NUP210: variants seen among roughly 807,000 people sequenced by gnomAD.
The protein encoded by NUP210 is nucleoporin 210, also known as nuclear pore membrane glycoprotein 210.
In NUP210, 151 loss-of-function variants were observed where a neutral mutation model predicts 196.0. The observed-to-expected ratio is 0.77, with a 90% confidence interval of 0.67 to 0.88. The LOEUF (loss-of-function observed/expected upper bound fraction) is 0.88. NUP210 is among the 40% of genes least tolerant of loss of function. NUP210 has a pLI of 0.00. For missense variants in NUP210, 2,314 were observed against 2,493.7 expected (o/e 0.93, Z 1.53); for synonymous variants, 1,070 against 1,052.7 (o/e 1.02, Z -0.32).
rs550722911 is a variant in NUP210 at position 13,379,204 on chromosome 3, T to C, written c.977-224A>G. ...AAAGGGGAATCTCTGTGAGGGACAC[T>C]GGAGACCGCACAGGACACAACAACA... On this transcript the variant is annotated intron_variant, in intron 7 of 39. Coordinates refer to ENST00000254508, the MANE Select transcript of NUP210 (RefSeq NM_024923.4). This position sits in a 1 kb window ranked among gnomAD's most constrained non-coding sequence, Gnocchi z 4.2. Among the ~76,000 whole-genome samples, 2 of 152,308 alleles carry C rather than the reference T, an allele frequency of 1.3e-5. No individual in the cohort carries two copies. Among genetic ancestry groups the C allele is most frequent in the East Asian group, 1.9e-4 (1 of 5,190 alleles).
At chr3:13,318,450 T>C (rs1199250830) in intron 39 of NUP210, among the ~76,000 whole-genome samples, 1 of 152,136 alleles carries the variant, frequency 6.6e-6, no homozygotes, top group African/African-American at 2.4e-5. Context: ...AGCCGGTCCA[T>C]GGGCCCCCAT....
chr3:13,375,424 AAAGT>A, intron 11 of NUP210, 76 bp downstream of exon 11: 1 of 1,377,468 alleles, frequency 7.3e-7, no homozygotes, highest in South Asian at 1.4e-5. Context: ...AGTAATACTA[AAAGT>A]AATAGAATGG....
chr3:13,365,896 C>T, intron 14 of NUP210, 50 bp downstream of exon 14: 1 of 1,598,924 alleles, frequency 6.3e-7, no homozygotes, highest in Middle Eastern at 1.7e-4. Flanking sequence ...TAATTTGCAT[C>T]TGGGAAGGAG....
chr3:13,344,505 C>A (rs892566362), intron 20 of NUP210, among the ~76,000 whole-genome samples: 1 of 151,512 alleles, frequency 6.6e-6, no homozygotes, highest in Admixed American at 6.6e-5. Context: ...GTTTGCAAAG[C>A]TAGAGTTTCA....
At chr3:13,413,210 G>A (rs1214011839) in intron 1 of NUP210, among the ~76,000 whole-genome samples, 1 of 152,068 alleles carries the variant, frequency 6.6e-6, no homozygotes, top group African/African-American at 2.4e-5. Flanking sequence ...GCTCACACCT[G>A]TAATCCCAGC....
At chr3:13,393,596 C>T (rs543574943) in intron 3 of NUP210, among the ~76,000 whole-genome samples, 2 of 152,320 alleles carry the variant, frequency 1.3e-5, no homozygotes, top group South Asian at 4.1e-4. Context: ...TTCTCTCCCG[C>T]CAGCTGCTGG....
At chr3:13,320,054 G>A (rs952689531) in intron 36 of NUP210, 75 bp from the exon 37 acceptor site, 10 of 1,347,720 alleles carry the variant, frequency 7.4e-6, no homozygotes, top group East Asian at 2.4e-5. Flanking sequence ...TCAGGACCCC[G>A]AGGCGGGAGG....
In NUP210 at chr3:13,397,372, C is replaced by T. The variant is rs1699693075; in HGVS notation, c.421G>A (p.Ala141Thr). The change falls in exon 3 of 40, where the codon GCC becomes ACC. Residue 141 changes from alanine (A) to threonine (T), a missense_variant. Transcript: ENST00000254508. Reference protein sequence around the residue: ...EDSPLELKIQALDSEGNTFST... With the variant: ...EDSPLELKIQTLDSEGNTFST... ...ACGTTCTCACCTTCGGAGTCCAGGG[C>T]CTGGATCTTCAGCTCCAGGGGGGAG... 1 of 1,610,678 alleles carries T rather than the reference C, an allele frequency of 6.2e-7. No homozygotes were observed.
At chr3:13,318,924 C>T (rs1266715197) in intron 39 of NUP210, 148 bp downstream of exon 39, 2 of 720,980 alleles carry the variant, frequency 2.8e-6, no homozygotes, top group African/African-American at 1.8e-5. Context: ...ACCCTCCTGG[C>T]TCCCACATCT....
At chr3:13,351,192 G>A (rs982251247) in intron 20 of NUP210, among the ~76,000 whole-genome samples, 1 of 152,194 alleles carries the variant, frequency 6.6e-6, no homozygotes, top group African/African-American at 2.4e-5. Flanking sequence ...TCCATGCCAT[G>A]AGCACAGCTA....
chr3:13,345,301 T>C, intron 20 of NUP210: 2 of 872,166 alleles, frequency 2.3e-6, no homozygotes, highest in Non-Finnish European at 2.8e-6. Context: ...CACTTCAATG[T>C]GCAAATGAGT....
chr3:13,361,256 T>G (rs1383006979), intron 14 of NUP210, among the ~76,000 whole-genome samples: 2 of 152,238 alleles, frequency 1.3e-5, no homozygotes, highest in East Asian at 3.8e-4. Context: ...TAGCGGGTGC[T>G]CAGCAATTCT....
intron 20 of NUP210, among the ~76,000 whole-genome samples, chr3:13,349,426 C>T (rs961920582): frequency 1.3e-5 from 2 of 152,314 alleles, no homozygotes; most frequent in African/African-American, 2.4e-5. Context: ...AGAACCCATT[C>T]GTGGGATGGA....
At chr3:13,372,683 A>T (rs1698772866) in intron 12 of NUP210, among the ~76,000 whole-genome samples, 1 of 151,774 alleles carries the variant, frequency 6.6e-6, no homozygotes, top group African/African-American at 2.4e-5. Flanking sequence ...CTAGAATCCC[A>T]CCTCCTGGTT....
At chr3:13,335,198 C>A (rs946074693) in intron 28 of NUP210, among the ~76,000 whole-genome samples, 3 of 152,244 alleles carry the variant, frequency 2.0e-5, no homozygotes, top group Non-Finnish European at 4.4e-5. Flanking sequence ...GTTCCCACCT[C>A]CAGGCCTTTG....
chr3:13,365,546 G>C (rs139446924), intron 14 of NUP210, among the ~76,000 whole-genome samples: 1 of 152,228 alleles, frequency 6.6e-6, no homozygotes, highest in Non-Finnish European at 1.5e-5. Flanking sequence ...CCACACGGCC[G>C]CTGTCCTAAT....
rs563072855 is a variant in NUP210 at position 13,319,753 on chromosome 3, C to T, written c.5383+10G>A. ...TGGTCTGTCCCAGATGATGTCGTTC[C>T]GTGACTCACAAGGACCGGGCCCACG... is the stretch of plus-strand genomic sequence containing the variant. On this transcript the variant is annotated intron_variant, in intron 37 of 39. Transcript: ENST00000254508. 73 of 1,612,696 alleles carry T rather than the reference C, an allele frequency of 4.5e-5. No homozygotes were observed. The South Asian group carries it at 6.0e-4, about 13-fold the overall frequency.
intron 15 of NUP210, among the ~76,000 whole-genome samples, chr3:13,358,822 G>T (rs1253672774): frequency 2.6e-5 from 4 of 152,246 alleles, no homozygotes; most frequent in Admixed American, 2.6e-4. Context: ...GACAGGGCAA[G>T]CGAATCAGAT....
intron 1 of NUP210, among the ~76,000 whole-genome samples, chr3:13,412,876 C>G (rs1213418656): frequency 6.6e-6 from 1 of 151,584 alleles, no homozygotes; most frequent in African/African-American, 2.4e-5. Context: ...GAGGCTGAGG[C>G]AGGAGAATGG....
Sources: gnomAD v4.1 joint callset for allele counts (sites outside exome capture counted in the v4.1 genomes callset) on GRCh38, gnomAD v4.1.1 for gene constraint, Gnocchi (gnomAD v3.1) non-coding constraint, MANE v1.5 for transcripts, NCBI Gene and HGNC (gene_info 2026-07-23, HGNC 2026-07-21) for gene names.